DMTN: variants seen among roughly 807,000 people sequenced by gnomAD.
DMTN encodes the protein dematin actin binding protein.
A neutral mutation model predicts 59.4 loss-of-function variants in DMTN; 27 were observed. That is an observed-to-expected ratio of 0.45 (90% CI 0.33 to 0.63). The LOEUF (loss-of-function observed/expected upper bound fraction) is 0.63. Among genes scored for constraint, DMTN ranks in the 20% least tolerant of loss-of-function variants. The pLI, the probability that DMTN is intolerant of heterozygous loss-of-function variation, is 0.02. For synonymous variants in DMTN, 221 were observed against 203.7 expected, an observed-to-expected ratio of 1.08 and a Z score of -0.72; for missense variants, 451 against 528.9, an observed-to-expected ratio of 0.85 and a Z score of 1.45.
At chr8:22,075,516 A>ATTTTTTTTTT (rs386412281) in intron 10 of DMTN, among the ~76,000 whole-genome samples, 1 of 87,726 alleles carries the variant, frequency 1.1e-5, no homozygotes, top group Non-Finnish European at 2.0e-5. Flanking sequence ...GCCCAGCTAA[A>ATTTTTTTTTT]TTTTTTTTTT....
chr8:22,072,569 T>C, intron 9 of DMTN, 119 bp downstream of exon 9: 1 of 1,036,930 alleles, frequency 9.6e-7, no homozygotes, highest in Non-Finnish European at 1.3e-6. Context: ...GTTCAAGTGA[T>C]TCTCCTGCCT....
intron 1 of DMTN, among the ~76,000 whole-genome samples, chr8:22,062,147 GT>G (rs2130640341): frequency 6.6e-6 from 1 of 151,874 alleles, no homozygotes; most frequent in African/African-American, 2.4e-5. Context: ...GAGTGCAGCA[GT>G]GACATGATCA....
Position 22,081,426 on chromosome 8 carries a change from A to C in DMTN, c.1181A>C (p.Lys394Thr). 1 of 1,614,096 alleles carries C rather than the reference A, an allele frequency of 6.2e-7. No homozygotes were observed. The highest frequency in any genetic ancestry group is 8.5e-7 in the Non-Finnish European group (1 of 1,179,968). The change falls in exon 16 of 16, where the codon AAG becomes ACG. Residue 394 changes from lysine to threonine, a missense_variant. Lys to Thr is a moderately conservative substitution (Grantham distance 78). Transcript: ENST00000358242. ...PEEFGKLALW[K>T]RNELKKKASL... ...GAGTTTGGCAAGCTGGCTCTGTGGA[A>C]GCGGAATGAGCTCAAGAAGAAGGCC...
At chr8:22,055,291 G>A (rs1175898330), upstream of DMTN, among the ~76,000 whole-genome samples, 3 of 152,126 alleles carry the variant, frequency 2.0e-5, no homozygotes, top group Admixed American at 6.5e-5. Flanking sequence ...AACCCAGGTC[G>A]GGGTGCGGCG....
chr8:22,072,312 C>T lies in DMTN; in HGVS notation c.605-14C>T. ...GCGAGTGACTCCCTCCCCACCTTTG[C>T]TTGTGTCTCCTAGAGACAGAATGGA... is the stretch of plus-strand genomic sequence containing the variant. On this transcript the variant is annotated splice_polypyrimidine_tract_variant and intron_variant, in intron 8 of 15. Transcript: ENST00000358242. 6.3e-7 allele frequency: 1 copy of T among 1,591,650 alleles called. No individual in the cohort carries two copies. The highest frequency in any genetic ancestry group is 1.1e-5 in the South Asian group (1 of 87,874).
chr8:22,053,182 G>C (rs1230558103), upstream of DMTN, among the ~76,000 whole-genome samples: 1 of 152,128 alleles, frequency 6.6e-6, no homozygotes, highest in Non-Finnish European at 1.5e-5. Flanking sequence ...TTTGTGTAGA[G>C]AAGTGGCAGG....
chr8:22,077,443 A>G (rs961847262), intron 10 of DMTN, among the ~76,000 whole-genome samples: 2 of 152,158 alleles, frequency 1.3e-5, no homozygotes, highest in African/African-American at 2.4e-5. Flanking sequence ...ACATGTGGTT[A>G]GGACATCTGA....
intron 3 of DMTN, 56 bp from the exon 4 acceptor site, chr8:22,067,471 C>A (rs1811706268): frequency 5.6e-6 from 9 of 1,600,844 alleles, no homozygotes; most frequent in Non-Finnish European, 6.8e-6. Context: ...CTAGCAGGGC[C>A]AGTGTCCTAG....
At chr8:22,049,104 G>C (rs1585548617), upstream of DMTN, 1 of 148,702 alleles carries the variant, frequency 6.7e-6, no homozygotes, top group African/African-American at 2.4e-5. Flanking sequence ...GCATCCAGCC[G>C]GGCCCCGGGC....
chr8:22,071,521 A>G (rs989472941), intron 8 of DMTN, among the ~76,000 whole-genome samples: 1 of 151,970 alleles, frequency 6.6e-6, no homozygotes, highest in Admixed American at 6.6e-5. Flanking sequence ...CAGCCTCGCA[A>G]GTAGCTAGGA....
rs1810923179 is a variant in DMTN, at chr8:22,066,691, C to A, written c.-171-14C>A. On this transcript the variant is annotated splice_polypyrimidine_tract_variant and intron_variant, in intron 1 of 15. Coordinates refer to ENST00000358242, the MANE Select transcript of DMTN (RefSeq NM_001387751.1). ...ACGCCGCCCCGGCGCGGCCTCCCTC[C>A]CTTCTCCCCGCAGCCTGGAGAGTCA... is the stretch of plus-strand genomic sequence containing the variant. The A allele has an allele frequency of 1.8e-6, 1 of 559,630 alleles. No homozygotes were observed. Among genetic ancestry groups the A allele is most frequent in the African/African-American group, 2.0e-5 (1 of 50,040 alleles). 34.7% of individuals were successfully genotyped at this position (559,630 alleles called of 1,614,324 possible).
chr8:22,079,176 A>G (rs1329080145), intron 10 of DMTN, among the ~76,000 whole-genome samples: 1 of 150,560 alleles, frequency 6.6e-6, no homozygotes, highest in Non-Finnish European at 1.5e-5. Flanking sequence ...TTGGGAAGCC[A>G]AGGTGGGAGG....
Position 22,069,056 on chromosome 8 carries a change from C to T in DMTN, c.290C>T (p.Pro97Leu), listed in dbSNP as rs1339253996. The change falls in exon 5 of 16, where the codon CCA becomes CTA. Residue 97 changes from proline (P) to leucine (L), a missense_variant. Coordinates refer to ENST00000358242, the MANE Select transcript of DMTN (RefSeq NM_001387751.1). ...SPKSTSPPPSPEVWADSRSPG... is the reference protein window; with the variant it reads ...SPKSTSPPPSLEVWADSRSPG... ...AAATCCACATCCCCCCCACCATCCC[C>T]AGAGGTGAGTCTGCCCCACACCTGC... 1 of 1,612,558 alleles carries T rather than the reference C, an allele frequency of 6.2e-7. No homozygotes were observed. The highest frequency in any genetic ancestry group is 1.7e-5 in the Admixed American group (1 of 59,892).
intron 1 of DMTN, among the ~76,000 whole-genome samples, chr8:22,065,930 T>A (rs1487073947): frequency 6.9e-6 from 1 of 144,466 alleles, no homozygotes; most frequent in East Asian, 2.3e-4. Flanking sequence ...AGCCTCGATC[T>A]CCTGGGCTCA....
chr8:22,070,389 C>T, intron 8 of DMTN, 55 bp downstream of exon 8: 3 of 1,535,484 alleles, frequency 2.0e-6, no homozygotes, highest in Non-Finnish European at 2.6e-6. Flanking sequence ...TGCACTCCCT[C>T]CCCTTGGCTC....
intron 10 of DMTN, among the ~76,000 whole-genome samples, chr8:22,075,597 C>T (rs981505903): frequency 6.7e-6 from 1 of 148,982 alleles, no homozygotes; most frequent in Non-Finnish European, 1.5e-5. Flanking sequence ...TGGCTCACTG[C>T]AACCACTGCC....
chr8:22,079,812 T>TGTTA (rs1484214055), intron 10 of DMTN, among the ~76,000 whole-genome samples: 1 of 152,192 alleles, frequency 6.6e-6, no homozygotes, highest in Non-Finnish European at 1.5e-5. Flanking sequence ...TTAATAAAAT[T>TGTTA]ATAATAATGT....
chr8:22,049,688 TCTG>T (rs1421329231), upstream of DMTN, among the ~76,000 whole-genome samples: 10 of 151,594 alleles, frequency 6.6e-5, no homozygotes, highest in African/African-American at 2.4e-4. Flanking sequence ...AGCCCTCTCT[TCTG>T]AGGATGTCCC....
In DMTN at chr8:22,080,839, G is replaced by A; in HGVS notation, c.992G>A (p.Gly331Glu). 6.3e-7 allele frequency: 1 copy of A among 1,596,418 alleles called. No homozygotes were observed. ...GGCCAGAGGGGGAGGATGGACCGGG[G>A]GAACTCCCTGCCCTGTGTGCTGGAG... The part of the protein sequence containing the change: ...GEGQRGRMDR[G>E]NSLPCVLEQK... Residue 331 changes from glycine to glutamate, a missense_variant, in exon 14 of 16, where the codon GGG becomes GAG. Transcript: ENST00000358242.
Sources: gnomAD v4.1 joint callset for allele counts (sites outside exome capture counted in the v4.1 genomes callset) on GRCh38, gnomAD v4.1.1 for gene constraint, MANE v1.5 for transcripts, NCBI Gene and HGNC (gene_info 2026-07-23, HGNC 2026-07-21) for gene names.